MYO16: variants seen among roughly 807,000 people sequenced by gnomAD.
MYO16 encodes the protein myosin XVI.
In MYO16, 94 loss-of-function variants were observed where a neutral mutation model predicts 205.3. That is an observed-to-expected ratio of 0.46 (90% confidence interval 0.39 to 0.54). The LOEUF (loss-of-function observed/expected upper bound fraction) is 0.54, where lower values mean the gene tolerates loss of function less well. MYO16 is among the 20% of genes least tolerant of loss of function. The pLI is 0.00. For synonymous variants in MYO16, 988 were observed against 954.0 expected (o/e 1.04, Z -0.66); for missense variants, 2,315 against 2,387.5 (o/e 0.97, Z 0.63).
At chr13:109,150,548 C>T (rs371459620) in intron 32 of MYO16, among the ~76,000 whole-genome samples, 5 of 152,150 alleles carry the variant, frequency 3.3e-5, no homozygotes, top group South Asian at 2.1e-4. Flanking sequence ...TGTAAATCTG[C>T]GGCAGCTAGC....
At chr13:108,748,979 G>T (rs1433404118) in intron 4 of MYO16, among the ~76,000 whole-genome samples, 1 of 151,650 alleles carries the variant, frequency 6.6e-6, no homozygotes, top group African/African-American at 2.4e-5. Flanking sequence ...TTGATAAGTT[G>T]GACTATGATA....
At chr13:108,796,915 A>G (rs1165420254) in intron 6 of MYO16, among the ~76,000 whole-genome samples, 2 of 145,966 alleles carry the variant, frequency 1.4e-5, no homozygotes, top group Non-Finnish European at 3.0e-5. Flanking sequence ...AACTTAAAGT[A>G]TAATTTAAAA....
chr13:109,046,834 T>C (rs1197664186), intron 23 of MYO16, 82 bp from the exon 24 acceptor site: 2 of 1,169,810 alleles, frequency 1.7e-6, no homozygotes, highest in African/African-American at 1.5e-5. Flanking sequence ...AAACTTCAGC[T>C]GGGTCAAGTT....
intron 5 of MYO16, among the ~76,000 whole-genome samples, chr13:108,787,003 G>C (rs1886477101): frequency 6.6e-6 from 1 of 152,188 alleles, no homozygotes; most frequent in African/African-American, 2.4e-5. Flanking sequence ...TTAATTATTT[G>C]GATCCTTGCC....
intron 22 of MYO16, among the ~76,000 whole-genome samples, chr13:109,014,839 C>T (rs1885746446): frequency 6.6e-6 from 1 of 152,194 alleles, no homozygotes; most frequent in African/African-American, 2.4e-5. Context: ...GCTGAAATTG[C>T]TTATCAGCTT....
chr13:109,113,975 G>A (rs770238366), intron 28 of MYO16, among the ~76,000 whole-genome samples: 5 of 152,146 alleles, frequency 3.3e-5, no homozygotes, highest in African/African-American at 9.7e-5. Flanking sequence ...GAGCTCTCAC[G>A]AGCAGTCTGT....
intron 27 of MYO16, among the ~76,000 whole-genome samples, chr13:109,089,270 G>A (rs1272125964): frequency 6.6e-6 from 1 of 151,858 alleles, no homozygotes; most frequent in African/African-American, 2.4e-5. Flanking sequence ...CTGGAGTGCA[G>A]TGGCATGATC....
intron 10 of MYO16, among the ~76,000 whole-genome samples, chr13:108,854,163 T>A (rs540317540): frequency 1.2e-4 from 18 of 152,112 alleles, no homozygotes; most frequent in African/African-American, 4.1e-4. Flanking sequence ...CCGGCTAATT[T>A]TTTTTGTATT....
chr13:108,530,603 A>T, the MYO16 span, among the ~76,000 whole-genome samples: 4 of 152,232 alleles, frequency 2.6e-5, no homozygotes, highest in Non-Finnish European at 5.9e-5. Context: ...GGCTCTGTGG[A>T]GACAGAATAT....
At position 109,162,784 on chromosome 13, in the gene MYO16, G is replaced by C. The variant is rs1878447231; in HGVS notation, c.5165-2117G>C. Among the ~76,000 whole-genome samples the C allele has an allele frequency of 6.6e-6, 1 of 152,106 alleles. No homozygotes were observed. Among genetic ancestry groups the C allele is most frequent in the African/African-American group, 2.4e-5 (1 of 41,408 alleles). On this transcript the variant is annotated intron_variant, in intron 32 of 34. Coordinates refer to ENST00000457511, the MANE Select transcript of MYO16 (RefSeq NM_001198950.3). The surrounding 1 kb of genome is among the most constrained non-coding windows in gnomAD (Gnocchi z 4.6). ...AATAGGTGAAAGCAACATAAAAGCA[G>C]GTGAGTACATCTTGAGCCAGTTTTA...
the MYO16 span, among the ~76,000 whole-genome samples, chr13:108,501,290 A>C: frequency 6.6e-6 from 1 of 152,146 alleles, no homozygotes; most frequent in Non-Finnish European, 1.5e-5. Flanking sequence ...TAGAGGCAAG[A>C]GTGCCTGGGG....
chr13:108,737,347 AG>A (rs1481558651), intron 4 of MYO16, among the ~76,000 whole-genome samples: 16 of 152,146 alleles, frequency 1.1e-4, no homozygotes, highest in Non-Finnish European at 2.1e-4. Context: ...TTTAGCATGA[AG>A]GGCTGTTGAA....
chr13:108,539,323 C>A, the MYO16 span, among the ~76,000 whole-genome samples: 1 of 152,090 alleles, frequency 6.6e-6, no homozygotes, highest in East Asian at 1.9e-4. Context: ...CATTGCAAGG[C>A]AGGACAGGGC....
intron 16 of MYO16, among the ~76,000 whole-genome samples, chr13:108,955,690 A>C (rs1883322123): frequency 6.6e-6 from 1 of 152,164 alleles, no homozygotes; most frequent in Non-Finnish European, 1.5e-5. Context: ...GTCTCTACTA[A>C]AAATACAAAA....
chr13:108,592,625 T>A (rs12864785), upstream of MYO16, among the ~76,000 whole-genome samples: 14,910 of 145,072 alleles, frequency 0.1, 1,024 homozygotes, highest in Middle Eastern at 0.18. Flanking sequence ...GGAGGGGCTG[T>A]GTGTGTTGTG....
At chr13:108,647,218 C>A (rs1418147465) in intron 1 of MYO16, among the ~76,000 whole-genome samples, 2 of 152,100 alleles carry the variant, frequency 1.3e-5, no homozygotes, top group Non-Finnish European at 2.9e-5. Flanking sequence ...TCTTCATAAT[C>A]CCTATCATTT....
chr13:108,621,436 T>C (rs1002420529), intron 1 of MYO16, among the ~76,000 whole-genome samples: 1 of 152,222 alleles, frequency 6.6e-6, no homozygotes, highest in African/African-American at 2.4e-5. Flanking sequence ...ATTTGTATTC[T>C]ATTTCTAGAA....
In MYO16 at chr13:108,885,239, C is replaced by T. The variant is rs371177330; in HGVS notation, c.1553+2053C>T. ...GGTTCAAGTGATTCTCCTGCTTCAG[C>T]CTCCTGAGTAGCTGGAATTACAGGC... On this transcript the variant is annotated intron_variant, in intron 13 of 34. Coordinates refer to ENST00000457511, the MANE Select transcript of MYO16 (RefSeq NM_001198950.3). Among the ~76,000 whole-genome samples the T allele has an allele frequency of 6.6e-5, 10 of 152,346 alleles. No individual in the cohort carries two copies. In the East Asian group the frequency reaches 1.5e-3, roughly 24 times the overall value.
intron 20 of MYO16, among the ~76,000 whole-genome samples, chr13:108,983,196 A>G (rs1884507143): frequency 6.6e-6 from 1 of 152,188 alleles, no homozygotes; most frequent in Non-Finnish European, 1.5e-5. Context: ...ATTTCTGGAA[A>G]CAAATACCAT....
Sources: allele counts gnomAD v4.1 joint callset (sites outside exome capture counted in the v4.1 genomes callset), GRCh38; gene constraint gnomAD v4.1.1; non-coding constraint Gnocchi (gnomAD v3.1); transcripts MANE v1.5; gene names NCBI Gene and HGNC (gene_info 2026-07-23, HGNC 2026-07-21).